Variants in ZFHX3 observed in about 807,000 individuals in gnomAD.
ZFHX3 encodes zinc finger homeobox protein 3.
ZFHX3 carries 42 observed loss-of-function variants against 279.1 expected under a neutral mutation model. That is an observed-to-expected ratio of 0.15 (90% CI 0.12 to 0.19). ZFHX3 has a LOEUF of 0.19. ZFHX3 is among the 10% of genes least tolerant of loss of function. The pLI is 1.00. For synonymous variants in ZFHX3, 2,293 were observed against 1,957.8 expected, an observed-to-expected ratio of 1.17 and a Z score of -4.52; for missense variants, 4,981 against 4,754.0, an observed-to-expected ratio of 1.05 and a Z score of -1.40.
At chr16:73,451,203 G>A (rs1202058935) in intron 3 of ZFHX3, among the ~76,000 whole-genome samples, 1 of 152,180 alleles carries the variant, frequency 6.6e-6, no homozygotes, top group African/African-American at 2.4e-5. Flanking sequence ...GAACTGGGGT[G>A]TTCCCAGAAT....
At chr16:72,926,387 A>C (rs1211706784) in intron 3 of ZFHX3, among the ~76,000 whole-genome samples, 1 of 152,210 alleles carries the variant, frequency 6.6e-6, no homozygotes, top group African/African-American at 2.4e-5. Flanking sequence ...GGAAGAGGTG[A>C]AAGAGCTACA....
At chr16:73,396,876 C>T (rs2017141165) in intron 3 of ZFHX3, among the ~76,000 whole-genome samples, 1 of 152,184 alleles carries the variant, frequency 6.6e-6, no homozygotes. Flanking sequence ...TTCCTAACCT[C>T]ATTTGTGGTG....
intron 3 of ZFHX3, among the ~76,000 whole-genome samples, chr16:72,915,153 C>T (rs1415234536): frequency 6.6e-6 from 1 of 152,172 alleles, no homozygotes; most frequent in Admixed American, 6.5e-5. Context: ...CCTGCACACC[C>T]GCCCCACACT....
intron 2 of ZFHX3, among the ~76,000 whole-genome samples, chr16:73,578,373 G>A (rs1321087745): frequency 7.8e-6 from 1 of 127,724 alleles, no homozygotes; most frequent in Admixed American, 8.4e-5. Flanking sequence ...AAGTTTCGTA[G>A]ATGTTAAATG....
chr16:72,882,644 G>C (rs1183985415), intron 4 of ZFHX3, among the ~76,000 whole-genome samples: 1 of 152,270 alleles, frequency 6.6e-6, no homozygotes, highest in Admixed American at 6.5e-5. Context: ...GGACCTTCCA[G>C]GGCAGCAGCG....
At chr16:72,857,614 G>A (rs958655555) in intron 4 of ZFHX3, among the ~76,000 whole-genome samples, 2 of 152,224 alleles carry the variant, frequency 1.3e-5, no homozygotes, top group African/African-American at 4.8e-5. Context: ...GAGCCTAGGA[G>A]TATGAGGCTG....
Position 72,787,459 on chromosome 16 carries a change from G to T in ZFHX3, c.10817C>A (p.Ser3606Tyr), listed in dbSNP as rs145062714. The T allele has an allele frequency of 9.1e-4, 1,464 of 1,605,290 alleles. 1 individual carries two copies. Among genetic ancestry groups the T allele is most frequent in the Non-Finnish European group, 1.2e-3 (1,380 of 1,174,634 alleles). ...CCTGGAGGCGTGGGGGGAAGCGGAG[G>T]AGGGGGCGGCGGCCGACGGGGGAGG... is the stretch of plus-strand genomic sequence containing the variant. ...SPPPPSAAAP[S>Y]SASPHASRKS... The change falls in exon 10 of 10, where the codon TCC (serine) becomes TAC (tyrosine). Residue 3606 changes from serine (S) to tyrosine (Y), a missense_variant. Transcript: ENST00000268489.
Position 73,442,022 on chromosome 16 carries a change from C to T in ZFHX3, c.-1291+13981G>A, listed in dbSNP as rs376236516. 3.3e-5 allele frequency among the ~76,000 whole-genome samples: 5 copies of T among 152,280 alleles called. No homozygotes were observed. The South Asian group carries it at 1.0e-3, about 32-fold the overall frequency. ...TCACTCTTAACAGGACTCCAGGTCT[C>T]TCCCCTTCTCCAGAGAGACCTGGGT... is the stretch of plus-strand genomic sequence containing the variant. On this transcript the variant is annotated intron_variant, in intron 3 of 17. Coordinates refer to the ZFHX3 transcript ENST00000641206.
intron 3 of ZFHX3, among the ~76,000 whole-genome samples, chr16:73,342,505 A>G (rs538872891): frequency 6.6e-6 from 1 of 152,362 alleles, no homozygotes; most frequent in South Asian, 2.1e-4. Context: ...AGAATGAGGA[A>G]GAGCTCCAGG....
Position 72,787,374 on chromosome 16 carries a change from A to G in ZFHX3, c.10902T>C (p.Pro3634=), listed in dbSNP as rs1431747093. Residue 3634 remains proline, a synonymous_variant, in exon 10 of 10, where the codon CCT becomes CCC. Transcript: ENST00000268489. ...ASAAKPPSFP[P]LSSSSTVTSS... is the part of the protein sequence containing the mutation. ...AGGTAACCGTTGAAGATGAGGAGAG[A>G]GGAGGAAAAGAAGGGGGCTTCGCTG... The G allele has an allele frequency of 6.2e-7, 1 of 1,606,128 alleles. No individual in the cohort carries two copies. Among genetic ancestry groups the G allele is most frequent in the East Asian group, 2.2e-5 (1 of 44,472 alleles).
intron 1 of ZFHX3, among the ~76,000 whole-genome samples, chr16:73,705,713 C>CTCTCT (rs1313688985): frequency 6.6e-6 from 1 of 152,160 alleles, no homozygotes; most frequent in Non-Finnish European, 1.5e-5. Context: ...ATTCCATCCA[C>CTCTCT]TCTCTTCTCT....
chr16:72,925,502 A>G (rs1959400591), intron 3 of ZFHX3, among the ~76,000 whole-genome samples: 1 of 152,250 alleles, frequency 6.6e-6, no homozygotes, highest in Non-Finnish European at 1.5e-5. Flanking sequence ...CACCGCAGCA[A>G]TGCTGCATAC....
intron 3 of ZFHX3, among the ~76,000 whole-genome samples, chr16:72,945,173 T>G (rs1960605692): frequency 6.6e-6 from 1 of 152,144 alleles, no homozygotes; most frequent in African/African-American, 2.4e-5. Context: ...GTGGGAAGCT[T>G]CTGGAAGGAG....
intron 2 of ZFHX3, among the ~76,000 whole-genome samples, chr16:72,954,627 G>C (rs749530430): frequency 6.6e-6 from 1 of 152,154 alleles, no homozygotes; most frequent in Non-Finnish European, 1.5e-5. Context: ...GGCTACTTGG[G>C]AAACACACAG....
intron 4 of ZFHX3, among the ~76,000 whole-genome samples, chr16:73,302,815 G>A (rs934958930): frequency 6.6e-6 from 1 of 152,204 alleles, no homozygotes; most frequent in South Asian, 2.1e-4. Flanking sequence ...GAAGTCAGTG[G>A]CCACATCCCT....
chr16:72,969,159 C>T (rs1255198105), intron 1 of ZFHX3, among the ~76,000 whole-genome samples: 1 of 152,126 alleles, frequency 6.6e-6, no homozygotes, highest in African/African-American at 2.4e-5. Context: ...GAAGAGTCAA[C>T]CCACCCTGAC....
intron 2 of ZFHX3, among the ~76,000 whole-genome samples, chr16:73,525,408 T>C (rs1191550379): frequency 6.6e-6 from 1 of 152,192 alleles, no homozygotes; most frequent in Non-Finnish European, 1.5e-5. Flanking sequence ...CTCTTAATTC[T>C]TGTGCAAACT....
At chr16:73,241,070 C>T (rs1020845217) in intron 5 of ZFHX3, among the ~76,000 whole-genome samples, 1 of 152,168 alleles carries the variant, frequency 6.6e-6, no homozygotes, top group African/African-American at 2.4e-5. Flanking sequence ...CCAGGAGAGG[C>T]AAAGACTAGG....
intron 4 of ZFHX3, among the ~76,000 whole-genome samples, chr16:73,269,620 T>A (rs190185457): frequency 1.3e-5 from 2 of 152,340 alleles, no homozygotes; most frequent in African/African-American, 4.8e-5. Flanking sequence ...CCACGAATAT[T>A]CATGTACATC....
Sources: allele counts gnomAD v4.1 joint callset (sites outside exome capture counted in the v4.1 genomes callset), GRCh38; gene constraint gnomAD v4.1.1; transcripts MANE v1.5; gene names NCBI Gene and HGNC (gene_info 2026-07-23, HGNC 2026-07-21).